GRK5: variants seen among roughly 807,000 people sequenced by gnomAD.
GRK5 encodes g protein-coupled receptor kinase GRK5.
In GRK5, 40 loss-of-function variants were observed where a neutral mutation model predicts 78.4. The observed-to-expected ratio is 0.51, with a 90% CI of 0.40 to 0.66. The LOEUF is 0.66. Ranked by LOEUF, GRK5 falls within the 30% of genes least tolerant of loss-of-function variation. The pLI is 0.00. For missense variants in GRK5, 598 were observed against 759.9 expected (o/e 0.79, Z 2.50); for synonymous variants, 289 against 296.8 (o/e 0.97, Z 0.27).
intron 4 of GRK5, among the ~76,000 whole-genome samples, chr10:119,413,171 C>T (rs1564925076): frequency 1.3e-5 from 2 of 151,900 alleles, no homozygotes; most frequent in East Asian, 1.9e-4. Context: ...TGGGAACCCC[C>T]GAACCAGGGC....
At chr10:119,312,463 G>A (rs756389907) in intron 1 of GRK5, among the ~76,000 whole-genome samples, 3 of 152,166 alleles carry the variant, frequency 2.0e-5, no homozygotes, top group South Asian at 2.1e-4. Context: ...AGCCCAATCC[G>A]GCCACTGCCT....
At chr10:119,349,741 C>T (rs1166869461) in intron 2 of GRK5, among the ~76,000 whole-genome samples, 6 of 152,204 alleles carry the variant, frequency 3.9e-5, no homozygotes, top group African/African-American at 7.2e-5. Context: ...TGGTGAAAGC[C>T]GGATCTCCCA....
chr10:119,333,940 C>T, intron 2 of GRK5: 1 of 463,496 alleles, frequency 2.2e-6, no homozygotes, highest in Non-Finnish European at 4.4e-6. Context: ...GAAGTGGCGT[C>T]CCTCCTGGCT....
chr10:119,226,785 C>A (rs761019084), intron 1 of GRK5, among the ~76,000 whole-genome samples: 5 of 151,476 alleles, frequency 3.3e-5, no homozygotes, highest in Non-Finnish European at 7.4e-5. Context: ...TGGTCTCAAA[C>A]TCCTGACCTC....
chr10:119,216,128 C>T (rs899622978), intron 1 of GRK5, among the ~76,000 whole-genome samples: 1 of 152,214 alleles, frequency 6.6e-6, no homozygotes, highest in Non-Finnish European at 1.5e-5. Context: ...TAAAACAGTT[C>T]ATTGCTTGTT....
chr10:119,454,562 G>A (rs548081004), intron 15 of GRK5, among the ~76,000 whole-genome samples: 2 of 152,300 alleles, frequency 1.3e-5, no homozygotes, highest in East Asian at 3.9e-4. Flanking sequence ...CTTTGCATAT[G>A]AGGCCCCATT....
intron 3 of GRK5, among the ~76,000 whole-genome samples, chr10:119,389,754 T>C: frequency 6.6e-6 from 1 of 152,072 alleles, no homozygotes; most frequent in East Asian, 1.9e-4. Flanking sequence ...TGGACTGCCA[T>C]GTTTCCTACA....
intron 1 of GRK5, among the ~76,000 whole-genome samples, chr10:119,222,549 T>C (rs1205635641): frequency 2.0e-5 from 3 of 152,108 alleles, no homozygotes; most frequent in Non-Finnish European, 4.4e-5. Context: ...CACCTGAGAA[T>C]AGAAAACGCC....
At chr10:119,411,292 G>C (rs922921166) in intron 4 of GRK5, among the ~76,000 whole-genome samples, 8 of 152,192 alleles carry the variant, frequency 5.3e-5, no homozygotes, top group Admixed American at 2.6e-4. Flanking sequence ...GCCTTTCGTG[G>C]ATGCTGGTTA....
At chr10:119,287,479 T>G (rs1402150458) in intron 1 of GRK5, among the ~76,000 whole-genome samples, 2 of 152,022 alleles carry the variant, frequency 1.3e-5, no homozygotes, top group African/African-American at 2.4e-5. Context: ...AAAAGCTACA[T>G]CTGTCCGTCC....
At chr10:119,279,683 G>A (rs1281916706) in intron 1 of GRK5, among the ~76,000 whole-genome samples, 4 of 152,292 alleles carry the variant, frequency 2.6e-5, no homozygotes, top group South Asian at 4.1e-4. Flanking sequence ...CAGCTCCAAC[G>A]CTGCAGGGCA....
intron 1 of GRK5, among the ~76,000 whole-genome samples, chr10:119,319,371 T>C (rs1458140495): frequency 6.6e-6 from 1 of 152,254 alleles, no homozygotes; most frequent in African/African-American, 2.4e-5. Flanking sequence ...AGGTTTTGTC[T>C]TGGACTCCTT....
In GRK5 at chr10:119,214,164, G is replaced by A. The variant is rs111476420; in HGVS notation, c.52+6195G>A. ...TAATTTTTGTATTTTTAGTAGAGGC[G>A]GGGTTTCGCCATGTTGGCCAGGCTG... On this transcript the variant is annotated intron_variant, in intron 1 of 15. Transcript: ENST00000392870. 6.8e-3 allele frequency among the ~76,000 whole-genome samples: 1,028 copies of A among 152,218 alleles called. 3 individuals are homozygous for A. Among genetic ancestry groups the A allele is most frequent in the African/African-American group, 0.013 (530 of 41,534 alleles).
At chr10:119,401,519 C>A (rs1852150513) in intron 4 of GRK5, among the ~76,000 whole-genome samples, 1 of 152,204 alleles carries the variant, frequency 6.6e-6, no homozygotes, top group Admixed American at 6.5e-5. Flanking sequence ...GGTTCAAAGC[C>A]AGATGTCACC....
At chr10:119,293,618 T>G (rs957690659) in intron 1 of GRK5, among the ~76,000 whole-genome samples, 1 of 152,192 alleles carries the variant, frequency 6.6e-6, no homozygotes, top group African/African-American at 2.4e-5. Flanking sequence ...GCAAATTGGC[T>G]TCTTTGTACA....
intron 1 of GRK5, among the ~76,000 whole-genome samples, chr10:119,285,202 G>A (rs1849827375): frequency 6.6e-6 from 1 of 152,158 alleles, no homozygotes. Flanking sequence ...CCAGTACTAG[G>A]GGCGACAAGG....
In GRK5 at chr10:119,442,040, C is replaced by T; in HGVS notation, c.1009C>T (p.Pro337Ser). 2 of 1,613,954 alleles carry T rather than the reference C, an allele frequency of 1.2e-6. No individual in the cohort carries two copies. Among genetic ancestry groups the T allele is most frequent in the Non-Finnish European group, 1.7e-6 (2 of 1,179,924 alleles). Residue 337 changes from proline to serine, a missense_variant, in exon 11 of 16, where the codon CCC becomes TCC. Physicochemically the swap from Pro to Ser is moderately conservative, Grantham distance 74 (BLOSUM62 -1). Transcript: ENST00000392870. ...ISDLGLAVKI[P>S]EGDLIRGRVG... ...AGACCTGGGCTTGGCTGTGAAGATC[C>T]CCGAGGGAGACCTGATCCGCGGCCG...
Position 119,445,169 on chromosome 10 carries a change from G to A in GRK5, c.1266+1417G>A, listed in dbSNP as rs1211662838. Among the ~76,000 whole-genome samples, 1 of 152,206 alleles carries A rather than the reference G, an allele frequency of 6.6e-6. No homozygotes were observed. The highest frequency in any genetic ancestry group is 1.5e-5 in the Non-Finnish European group (1 of 68,030). ...CATCGCAGCCAGGGCTAGGGTGGGG[G>A]GACCGGAGGAGCAGTGCAGCACTGG... is the stretch of plus-strand genomic sequence containing the variant. On this transcript the variant is annotated intron_variant, in intron 12 of 15. Transcript: ENST00000392870. This position sits in a 1 kb window ranked among gnomAD's most constrained non-coding sequence, Gnocchi z 4.1.
chr10:119,282,615 G>A (rs61874486), intron 1 of GRK5, among the ~76,000 whole-genome samples: 3,956 of 152,278 alleles, frequency 0.026, 89 homozygotes, highest in South Asian at 0.063. Context: ...ATGGATCAAG[G>A]CCCCCTGTGG....
Sources: gnomAD v4.1 joint callset for allele counts (sites outside exome capture counted in the v4.1 genomes callset) on GRCh38, gnomAD v4.1.1 for gene constraint, Gnocchi (gnomAD v3.1) non-coding constraint, MANE v1.5 for transcripts, NCBI Gene and HGNC (gene_info 2026-07-23, HGNC 2026-07-21) for gene names.